NUB1: variants seen among roughly 807,000 people sequenced by gnomAD.
The protein encoded by NUB1 is negative regulator of ubiquitin like proteins 1, also known as NEDD8 ultimate buster 1.
Under a neutral mutation model 77.1 loss-of-function variants are expected in NUB1, and 41 were observed. That is an observed-to-expected ratio of 0.53 (90% CI 0.41 to 0.69). The LOEUF is 0.69. NUB1 is among the 30% of genes least tolerant of loss of function. The pLI, the probability that NUB1 is intolerant of heterozygous loss-of-function variation, is 0.00. For synonymous variants in NUB1, 257 were observed against 281.0 expected (o/e 0.91, Z 0.85); for missense variants, 643 against 743.8 (o/e 0.86, Z 1.58).
At chr7:151,356,328 T>C (rs1797062400) in intron 7 of NUB1, 106 bp downstream of exon 7, 1 of 815,736 alleles carries the variant, frequency 1.2e-6, no homozygotes. Flanking sequence ...TTGGAAACAG[T>C]GCTCCATCTC....
chr7:151,376,569 T>C, intron 13 of NUB1, 65 bp from the exon 14 acceptor site: 5 of 1,462,412 alleles, frequency 3.4e-6, no homozygotes, highest in South Asian at 1.3e-5. Context: ...TCCACTCGTA[T>C]GGCTGACGGG....
At chr7:151,346,046 A>G (rs1016111832) in intron 2 of NUB1, among the ~76,000 whole-genome samples, 2 of 152,224 alleles carry the variant, frequency 1.3e-5, no homozygotes, top group East Asian at 1.9e-4. Flanking sequence ...CCAGAAATCT[A>G]TCATACTGGA....
chr7:151,341,905 C>T, intron 1 of NUB1, 59 bp downstream of exon 1: 1 of 1,428,454 alleles, frequency 7.0e-7, no homozygotes, highest in Non-Finnish European at 9.1e-7. Context: ...GCTTGGCGCC[C>T]CGGTTCCCGG....
At chr7:151,344,536 G>T (rs929960798) in intron 1 of NUB1, among the ~76,000 whole-genome samples, 1 of 151,182 alleles carries the variant, frequency 6.6e-6, no homozygotes, top group Non-Finnish European at 1.5e-5. Flanking sequence ...TGACCAGGCT[G>T]GTCTCGAACT....
rs1242343297 is a variant in NUB1, at chr7:151,356,186, A to C, written c.657A>C (p.Thr219=). 6.2e-7 allele frequency: 1 copy of C among 1,613,790 alleles called. No homozygotes were observed. Among genetic ancestry groups the C allele is most frequent in the Admixed American group, 1.7e-5 (1 of 60,024 alleles). The change falls in exon 7 of 15, where the codon ACA becomes ACC. Residue 219 remains threonine, a synonymous_variant. Transcript: ENST00000568733. ...MTPYLDIANQ[T]GRSIRIPPSE... ...CGTACTTAGACATAGCTAACCAGAC[A>C]GGCAGATCAATCAGAATTCCCCCAT...
intron 8 of NUB1, among the ~76,000 whole-genome samples, chr7:151,365,629 G>A: frequency 6.6e-6 from 1 of 152,142 alleles, no homozygotes. Context: ...TCTCTCAAAG[G>A]CAGGTTCTCA....
chr7:151,363,386 T>C (rs536398389), intron 8 of NUB1, among the ~76,000 whole-genome samples: 1 of 150,376 alleles, frequency 6.6e-6, no homozygotes, highest in African/African-American at 2.5e-5. Flanking sequence ...ATAGACACTA[T>C]AGAAGAGAAG....
intron 11 of NUB1, among the ~76,000 whole-genome samples, chr7:151,372,499 A>T (rs1798006830): frequency 6.6e-6 from 1 of 152,202 alleles, no homozygotes; most frequent in Non-Finnish European, 1.5e-5. Context: ...TGGAATATAA[A>T]TGGAAGAAAC....
In NUB1 at chr7:151,360,241, A is replaced by G; in HGVS notation, c.794A>G (p.Tyr265Cys). 2 of 1,587,578 alleles carry G rather than the reference A, an allele frequency of 1.3e-6. No individual in the cohort carries two copies. Among genetic ancestry groups the G allele is most frequent in the African/African-American group, 1.3e-5 (1 of 74,448 alleles). ...CCATGTCTGTTGGACGCTGACAAAT[A>G]TTTCTGGTAGGCGCTTTTGTACTTG... ...ALPCLLDADK[Y>C]FCECCRELLD... Residue 265 changes from tyrosine to cysteine, a missense_variant, in exon 8 of 15, where the codon TAT (tyrosine) becomes TGT (cysteine). Transcript: ENST00000568733.
chr7:151,354,737 G>A (rs1796981708), intron 5 of NUB1, among the ~76,000 whole-genome samples: 1 of 152,116 alleles, frequency 6.6e-6, no homozygotes, highest in Non-Finnish European at 1.5e-5. Flanking sequence ...GGAGCCCATG[G>A]TCTTTGCTTT....
rs115458421 is a variant in NUB1, at chr7:151,349,249, T to C, written c.285+9T>C. 544 of 1,601,140 alleles carry C rather than the reference T, an allele frequency of 3.4e-4. 3 individuals carry two copies. The African/African-American group carries it at 6.6e-3, about 19-fold the overall frequency. ...CACCAAGACTAAAAAAAGTGAGTAA[T>C]TTCCCTAAATTTGAGTAGGCACTAA... On this transcript the variant is annotated intron_variant, in intron 3 of 14. Transcript: ENST00000568733.
intron 8 of NUB1, chr7:151,360,681 T>C (rs1188980370): frequency 1.3e-5 from 2 of 154,948 alleles, no homozygotes; most frequent in South Asian, 2.0e-4. Context: ...TGCAGTGGCA[T>C]GATCTCAGCT....
chr7:151,375,285 G>C (rs1001868040), intron 12 of NUB1, among the ~76,000 whole-genome samples: 1 of 152,104 alleles, frequency 6.6e-6, no homozygotes, highest in African/African-American at 2.4e-5. Context: ...AATATTAAGA[G>C]GTGGGAAATT....
chr7:151,371,438 A>T (rs1797955286), intron 11 of NUB1, among the ~76,000 whole-genome samples: 1 of 144,848 alleles, frequency 6.9e-6, no homozygotes, highest in Non-Finnish European at 1.5e-5. Context: ...CCTCAGGGAA[A>T]ATCCTGAGCT....
intron 13 of NUB1, 126 bp from the exon 14 acceptor site, chr7:151,376,508 C>A: frequency 1.1e-6 from 1 of 908,352 alleles, no homozygotes; most frequent in Non-Finnish European, 1.6e-6. Flanking sequence ...GACTTGTGCA[C>A]AAAGGGCCAT....
chr7:151,357,425 C>G (rs1338948904), intron 7 of NUB1, among the ~76,000 whole-genome samples: 1 of 151,688 alleles, frequency 6.6e-6, no homozygotes, highest in Admixed American at 6.6e-5. Context: ...CACCCAGCCC[C>G]TTGGGGGCCT....
chr7:151,367,791 A>C, intron 9 of NUB1, 70 bp from the exon 10 acceptor site: 1 of 963,330 alleles, frequency 1.0e-6, no homozygotes, highest in Non-Finnish European at 1.6e-6. Context: ...AGGGAATGAC[A>C]GAGATGAGTA....
At chr7:151,356,948 C>G (rs1449333164) in intron 7 of NUB1, among the ~76,000 whole-genome samples, 2 of 152,160 alleles carry the variant, frequency 1.3e-5, no homozygotes, top group African/African-American at 4.8e-5. Context: ...AACTCCCGAC[C>G]TCAGGTGATT....
chr7:151,353,901 T>G (rs1796939383), intron 5 of NUB1, among the ~76,000 whole-genome samples: 1 of 152,202 alleles, frequency 6.6e-6, no homozygotes, highest in Non-Finnish European at 1.5e-5. Flanking sequence ...ATTTTAGATG[T>G]CATGGATATC....
Sources: allele counts gnomAD v4.1 joint callset (sites outside exome capture counted in the v4.1 genomes callset), GRCh38; gene constraint gnomAD v4.1.1; transcripts MANE v1.5; gene names NCBI Gene and HGNC (gene_info 2026-07-23, HGNC 2026-07-21).